The following SRBD1 variants were observed in gnomAD, a reference collection of about 807,000 sequenced individuals.
SRBD1 encodes S1 RNA binding domain 1, also known as S1 RNA-binding domain-containing protein 1.
Under a neutral mutation model 115.3 loss-of-function variants are expected in SRBD1, and 88 were observed. That is an observed-to-expected ratio of 0.76 (90% CI 0.64 to 0.91). SRBD1 has a LOEUF of 0.91. Ranked by LOEUF, SRBD1 falls within the 40% of genes least tolerant of loss-of-function variation. SRBD1 has a pLI of 0.00. For missense variants in SRBD1, 1,385 were observed against 1,177.4 expected (o/e 1.18, Z -2.58); for synonymous variants, 509 against 407.7 (o/e 1.25, Z -2.99).
chr2:45,460,518 G>A (rs1220622470), intron 16 of SRBD1, among the ~76,000 whole-genome samples: 3 of 152,122 alleles, frequency 2.0e-5, no homozygotes, highest in African/African-American at 7.2e-5. Flanking sequence ...GCAGGGAAGA[G>A]CAAGGATACA....
chr2:45,401,225 T>G (rs922496353), intron 19 of SRBD1, among the ~76,000 whole-genome samples: 2 of 152,044 alleles, frequency 1.3e-5, no homozygotes, highest in Non-Finnish European at 2.9e-5. Flanking sequence ...AGGAGTAGGG[T>G]CATTAAGCCC....
rs2104198848 is a variant in SRBD1, at chr2:45,585,731, T to C, written c.692A>G (p.Asn231Ser). ...ATCATCATTAAAGAGACGAATGATG[T>C]TGGCACAAACCCAAGGTTCAATATT... Reference protein sequence around the residue: ...RTNIEPWVCANIIRLFNDDNT... With the variant: ...RTNIEPWVCASIIRLFNDDNT... The change falls in exon 5 of 21, where the codon AAC becomes AGC. Residue 231 changes from asparagine (N) to serine (S), a missense_variant. Asn to Ser is a conservative substitution (Grantham distance 46). Coordinates refer to ENST00000263736, the MANE Select transcript of SRBD1 (RefSeq NM_018079.5). 1.9e-6 allele frequency: 3 copies of C among 1,611,082 alleles called. No individual in the cohort carries two copies. Among genetic ancestry groups the C allele is most frequent in the African/African-American group, 1.3e-5 (1 of 74,868 alleles).
At chr2:45,416,954 T>C (rs1667852228) in intron 18 of SRBD1, among the ~76,000 whole-genome samples, 1 of 152,194 alleles carries the variant, frequency 6.6e-6, no homozygotes, top group Non-Finnish European at 1.5e-5. Context: ...AATTTTTGTA[T>C]TTTTAGTAGA....
At chr2:45,394,477 G>A (rs1558549314) in intron 19 of SRBD1, among the ~76,000 whole-genome samples, 1 of 152,134 alleles carries the variant, frequency 6.6e-6, no homozygotes, top group Non-Finnish European at 1.5e-5. Context: ...TTCCTCTAGG[G>A]ATACCTCTGG....
chr2:45,404,235 T>G (rs758922574), intron 19 of SRBD1, among the ~76,000 whole-genome samples: 2 of 152,124 alleles, frequency 1.3e-5, no homozygotes, highest in Non-Finnish European at 2.9e-5. Flanking sequence ...GTTGAAGATT[T>G]TGGGGAGAGA....
Position 45,546,779 on chromosome 2 carries a change from A to T in SRBD1, c.1827T>A (p.Ala609=). 1.2e-6 allele frequency: 2 copies of T among 1,614,174 alleles called. No homozygotes were observed. The highest frequency in any genetic ancestry group is 1.7e-6 in the Non-Finnish European group (2 of 1,180,006). Residue 609 remains alanine (A), a synonymous_variant, in exon 14 of 21, where the codon GCT becomes GCA. Transcript: ENST00000263736. The stretch of plus-strand genomic sequence containing the variant: ...CAAAATAATTCTTCATTATCAGGTC[A>T]GCAAAGTAAGCTTCTGTTTCCCTGC... ...TACRETEAYF[A]DLIMKNYFAP...
Position 45,598,186 on chromosome 2 carries a change from AG to A in SRBD1, c.648+1262del, listed in dbSNP as rs529060390. Among the ~76,000 whole-genome samples the A allele has an allele frequency of 1.3e-3, 204 of 152,370 alleles. 1 individual carries two copies. The highest frequency in any genetic ancestry group is 1.6e-3 in the Non-Finnish European group (112 of 68,036). ...AAATGAACAAAGAAAAAGAAGGCAT[AG>A]AAAGGAGCCTAATTATACTCTGTTT... is the stretch of plus-strand genomic sequence containing the variant. On this transcript the variant is annotated intron_variant, in intron 4 of 20. Coordinates refer to ENST00000263736, the MANE Select transcript of SRBD1 (RefSeq NM_018079.5).
At chr2:45,431,806 C>T (rs1207695665) in intron 16 of SRBD1, among the ~76,000 whole-genome samples, 2 of 151,876 alleles carry the variant, frequency 1.3e-5, no homozygotes, top group African/African-American at 4.8e-5. Flanking sequence ...ACCAGTAGAC[C>T]AGTTATTTCA....
chr2:45,606,707 C>T (rs764389477), intron 1 of SRBD1, among the ~76,000 whole-genome samples: 58 of 151,978 alleles, frequency 3.8e-4, no homozygotes, highest in African/African-American at 1.4e-3. Flanking sequence ...TCACATAATA[C>T]GGGAAAGTAA....
At chr2:45,525,032 T>C (rs1057487388) in intron 14 of SRBD1, among the ~76,000 whole-genome samples, 3 of 151,988 alleles carry the variant, frequency 2.0e-5, no homozygotes, top group Non-Finnish European at 4.4e-5. Context: ...GATCATTCAA[T>C]GGGTAAAGAA....
At chr2:45,475,559 A>G (rs369699641) in intron 16 of SRBD1, among the ~76,000 whole-genome samples, 1 of 152,212 alleles carries the variant, frequency 6.6e-6, no homozygotes, top group Non-Finnish European at 1.5e-5. Flanking sequence ...TTTGAAGTCA[A>G]TAGCTTATTA....
At chr2:45,586,883 A>G (rs984981825) in intron 4 of SRBD1, among the ~76,000 whole-genome samples, 14 of 147,428 alleles carry the variant, frequency 9.5e-5, no homozygotes, top group African/African-American at 3.4e-4. Context: ...TTAAAATATT[A>G]TTTATTTAAA....
chr2:45,432,513 T>C (rs994472877), intron 16 of SRBD1, among the ~76,000 whole-genome samples: 3 of 152,162 alleles, frequency 2.0e-5, no homozygotes, highest in Admixed American at 1.3e-4. Context: ...GTGTTGAAAG[T>C]ATAGAAAAAA....
intron 16 of SRBD1, among the ~76,000 whole-genome samples, chr2:45,429,053 T>C (rs74795105): frequency 2.4e-4 from 37 of 152,026 alleles, no homozygotes; most frequent in African/African-American, 8.7e-4. Context: ...CCAGAAGAAA[T>C]GGATAAATTG....
At chr2:45,546,181 A>G (rs1375653565) in intron 14 of SRBD1, 5 of 985,486 alleles carry the variant, frequency 5.1e-6, no homozygotes, top group Non-Finnish European at 6.0e-6. Context: ...ATGCAGGGGC[A>G]AGACTAGAGA....
chr2:45,467,622 A>C (rs1303822132), intron 16 of SRBD1, among the ~76,000 whole-genome samples: 1 of 152,164 alleles, frequency 6.6e-6, no homozygotes, highest in African/African-American at 2.4e-5. Context: ...TGCATTTATG[A>C]GATAAGATAT....
chr2:45,575,201 G>A (rs1312052546), intron 7 of SRBD1, among the ~76,000 whole-genome samples: 2 of 152,112 alleles, frequency 1.3e-5, no homozygotes, highest in Non-Finnish European at 2.9e-5. Context: ...TTTCTATTTT[G>A]GATTATGGGG....
At chr2:45,604,168 G>A (rs6736965) in intron 2 of SRBD1, among the ~76,000 whole-genome samples, 11 of 151,484 alleles carry the variant, frequency 7.3e-5, no homozygotes, top group Non-Finnish European at 1.3e-4. Flanking sequence ...AGTTTTGCCC[G>A]CTATAGTCTA....
rs772582447 is a variant in SRBD1, at chr2:45,551,195, T to C, written c.1605A>G (p.Pro535=). Residue 535 remains proline, a synonymous_variant, in exon 12 of 21, where the codon CCA becomes CCG. Coordinates refer to ENST00000263736, the MANE Select transcript of SRBD1 (RefSeq NM_018079.5). ...LRQLLLTSPV[P]GRTLMGVDPG... The stretch of plus-strand genomic sequence containing the variant: ...GATCCACTCCCATTAAGGTGCGCCC[T>C]GGAACAGGGCTTGTTAAAAGGAGCT... The C allele has an allele frequency of 1.2e-6, 2 of 1,612,982 alleles. No homozygotes were observed. Among genetic ancestry groups the C allele is most frequent in the South Asian group, 1.1e-5 (1 of 90,730 alleles).
Sources: allele counts gnomAD v4.1 joint callset (sites outside exome capture counted in the v4.1 genomes callset), GRCh38; gene constraint gnomAD v4.1.1; transcripts MANE v1.5; gene names NCBI Gene and HGNC (gene_info 2026-07-23, HGNC 2026-07-21).